The following UNC13B variants were observed in gnomAD, a reference collection of about 807,000 sequenced individuals.
UNC13B encodes the protein unc-13 homolog B.
In UNC13B, 144 loss-of-function variants were observed where a neutral mutation model predicts 211.0. That is an observed-to-expected ratio of 0.68 (90% CI 0.60 to 0.78). The LOEUF is 0.78. UNC13B is among the 30% of genes least tolerant of loss of function. The pLI is 0.00. For synonymous variants in UNC13B, 709 were observed against 725.8 expected, an observed-to-expected ratio of 0.98 and a Z score of 0.37; for missense variants, 1,777 against 2,002.0, an observed-to-expected ratio of 0.89 and a Z score of 2.14.
Position 35,327,209 on chromosome 9 carries a change from G to A in UNC13B, c.9414+13220G>A, listed in dbSNP as rs376266018. Among the ~76,000 whole-genome samples, 128 of 152,268 alleles carry A rather than the reference G, an allele frequency of 8.4e-4. 1 individual carries two copies. Among genetic ancestry groups the A allele is most frequent in the African/African-American group, 3.0e-3 (124 of 41,538 alleles). On this transcript the variant is annotated intron_variant, in intron 11 of 39. Coordinates refer to ENST00000635942, the MANE Select transcript of UNC13B (RefSeq NM_001371189.2). ...CCTAGTTGGTCAGTGTATTATTAGG[G>A]TTCTCCAGTGGGAGAGAACCAATAG...
rs1226570695 is a variant in UNC13B, at chr9:35,301,201, A to G, written c.1797A>G (p.Pro599=). 4 of 398,942 alleles carry G rather than the reference A, an allele frequency of 1.0e-5. No individual in the cohort carries two copies. Among genetic ancestry groups the G allele is most frequent in the Admixed American group, 4.4e-5 (1 of 22,724 alleles). 24.7% of individuals were successfully genotyped at this position (398,942 alleles called of 1,614,324 possible). ...GGAAGGATCTTTCCATGCAATCTCC[A>G]TTATCCTCTCAAAAAGATGATAATG... ...VLGKDLSMQS[P]LSSQKDDNVN... The change falls in exon 9 of 40, where the codon CCA becomes CCG. Residue 599 remains proline, a synonymous_variant. Coordinates refer to ENST00000635942, the MANE Select transcript of UNC13B (RefSeq NM_001371189.2).
At chr9:35,385,923 T>C in intron 23 of UNC13B, 110 bp downstream of exon 23, 1 of 1,448,148 alleles carries the variant, frequency 6.9e-7, no homozygotes, top group Non-Finnish European at 9.3e-7. Flanking sequence ...TCATCACCTC[T>C]AAGCTTACAT....
At chr9:35,281,177 G>C (rs907748495) in intron 7 of UNC13B, among the ~76,000 whole-genome samples, 37 of 151,348 alleles carry the variant, frequency 2.4e-4, no homozygotes, top group African/African-American at 8.8e-4. Context: ...TTGAACCTGG[G>C]AGACGGAGGT....
chr9:35,183,825 C>T (rs1167310361), intron 1 of UNC13B, among the ~76,000 whole-genome samples: 9 of 144,440 alleles, frequency 6.2e-5, no homozygotes, highest in Non-Finnish European at 1.2e-4. Context: ...CGGGCAGAGG[C>T]GCTCCTCGCC....
intron 11 of UNC13B, chr9:35,361,487 A>C (rs1335469445): frequency 2.6e-5 from 4 of 152,134 alleles, no homozygotes; most frequent in Admixed American, 6.5e-5. Context: ...TGGGCAAGAG[A>C]CACTTCTTAG....
chr9:35,247,296 C>A (rs1364766974), intron 6 of UNC13B, among the ~76,000 whole-genome samples: 1 of 152,192 alleles, frequency 6.6e-6, no homozygotes, highest in African/African-American at 2.4e-5. Flanking sequence ...ATGTCATCTG[C>A]AAACAGGGAC....
chr9:35,349,194 G>A (rs912252583), intron 11 of UNC13B, among the ~76,000 whole-genome samples: 2 of 152,094 alleles, frequency 1.3e-5, no homozygotes, highest in Admixed American at 6.5e-5. Context: ...GGGATTACAG[G>A]CGAGAGCCAC....
chr9:35,311,841 A>T (rs1049222290), intron 10 of UNC13B, among the ~76,000 whole-genome samples: 7 of 152,254 alleles, frequency 4.6e-5, no homozygotes, highest in Non-Finnish European at 8.8e-5. Flanking sequence ...AGGAAGAAAA[A>T]TTTAAAATGT....
At chr9:35,381,512 A>G (rs774038531) in intron 19 of UNC13B, 44 bp from the exon 20 acceptor site, 10 of 1,567,894 alleles carry the variant, frequency 6.4e-6, no homozygotes, top group Admixed American at 5.7e-5. Context: ...TTTGTCTTTC[A>G]TATGTGTTTA....
intron 7 of UNC13B, among the ~76,000 whole-genome samples, chr9:35,287,090 T>C (rs1828839127): frequency 6.6e-6 from 1 of 152,012 alleles, no homozygotes; most frequent in South Asian, 2.1e-4. Context: ...TCATAAATTA[T>C]CTTTCCTTTA....
chr9:35,225,011 A>G (rs897203605), intron 1 of UNC13B, among the ~76,000 whole-genome samples: 2 of 152,198 alleles, frequency 1.3e-5, no homozygotes, highest in African/African-American at 2.4e-5. Context: ...AAACTCTCAA[A>G]AAATTACACA....
rs918241456 is a variant in UNC13B at position 35,396,519 on chromosome 9, C to A, written c.11352C>A (p.Asn3784Lys). Residue 3784 changes from asparagine (N) to lysine (K), a missense_variant, in exon 27 of 40, where the codon AAC becomes AAA. Transcript: ENST00000635942. ...DHLCKSADYM[N>K]LHFKVKWLHN... ...TGTGTAAAAGTGCTGACTACATGAA[C>A]CTGCACTTCAAGGTGAAGTGGCTCC... 10 of 1,614,132 alleles carry A rather than the reference C, an allele frequency of 6.2e-6. No individual in the cohort carries two copies. The highest frequency in any genetic ancestry group is 7.6e-6 in the Non-Finnish European group (9 of 1,180,020).
intron 11 of UNC13B, among the ~76,000 whole-genome samples, chr9:35,331,428 A>G (rs7019496): frequency 0.36 from 54,645 of 151,836 alleles, 10,324 homozygotes; most frequent in African/African-American, 0.47. Context: ...TGTATTTTTA[A>G]TAGAGATGGG....
At position 35,305,274 on chromosome 9, in the gene UNC13B, T is replaced by G. The variant is rs1829868115; in HGVS notation, c.5870T>G (p.Leu1957Ter). Residue 1957 changes from leucine (L) to a stop codon, truncating the protein, a stop_gained, in exon 9 of 40, where the codon TTA (leucine) becomes TGA (stop). Coordinates refer to ENST00000635942, the MANE Select transcript of UNC13B (RefSeq NM_001371189.2). LOFTEE classifies it high-confidence loss of function. ...GTGAATAAAGAAGGATCACCAAACT[T>G]AGAAAAGATTGGTGATACAAATGTC... ...TQVNKEGSPN[L>*]EKIGDTNVKI... 1 of 398,774 alleles carries G rather than the reference T, an allele frequency of 2.5e-6. No homozygotes were observed. The highest frequency in any genetic ancestry group is 1.3e-4 in the South Asian group (1 of 7,854). 24.7% of individuals were successfully genotyped at this position (398,774 alleles called of 1,614,324 possible). A position where few individuals can be genotyped will look rare whatever the true frequency, so the allele number is the denominator to read the frequency against.
At position 35,168,771 on chromosome 9, in the gene UNC13B, G is replaced by A. The variant is rs539150719; in HGVS notation, c.22+6466G>A. On this transcript the variant is annotated intron_variant, in intron 1 of 39. Transcript: ENST00000635942. Reference sequence around the variant, plus strand: ...GGCTGGGGTGCAGTGGCATGATCACGGCTCACTGCAGTCTTGACCTCCCTG... The same window carrying A: ...GGCTGGGGTGCAGTGGCATGATCACAGCTCACTGCAGTCTTGACCTCCCTG... 4.7e-5 allele frequency among the ~76,000 whole-genome samples: 7 copies of A among 148,802 alleles called. No homozygotes were observed. In the South Asian group the frequency reaches 1.1e-3, roughly 23 times the overall value.
chr9:35,227,808 T>C (rs945085709), intron 1 of UNC13B: 8 of 425,268 alleles, frequency 1.9e-5, no homozygotes, highest in African/African-American at 1.4e-4. Context: ...GATTTTTGCA[T>C]TGGATATGAG....
At chr9:35,348,331 A>C (rs1447120174) in intron 11 of UNC13B, among the ~76,000 whole-genome samples, 1 of 152,204 alleles carries the variant, frequency 6.6e-6, no homozygotes, top group Admixed American at 6.5e-5. Context: ...ATAGCCATTT[A>C]TCTCTTCCTC....
chr9:35,282,921 C>T (rs1828587904), intron 7 of UNC13B, among the ~76,000 whole-genome samples: 1 of 152,042 alleles, frequency 6.6e-6, no homozygotes. Context: ...CTCTTCTGTC[C>T]TTTGTATTTC....
At chr9:35,216,225 T>C (rs1246721590) in intron 1 of UNC13B, among the ~76,000 whole-genome samples, 1 of 152,186 alleles carries the variant, frequency 6.6e-6, no homozygotes, top group African/African-American at 2.4e-5. Flanking sequence ...TGATAAAAAT[T>C]CATGGTAAAT....
Sources: gnomAD v4.1 joint callset for allele counts (sites outside exome capture counted in the v4.1 genomes callset) on GRCh38, gnomAD v4.1.1 for gene constraint, MANE v1.5 for transcripts, NCBI Gene and HGNC (gene_info 2026-07-23, HGNC 2026-07-21) for gene names.